The following TUT4 variants were observed in gnomAD, a reference collection of about 807,000 sequenced individuals.
TUT4 encodes the protein terminal uridylyltransferase 4.
Under a neutral mutation model 192.2 loss-of-function variants are expected in TUT4, and 36 were observed. That is an observed-to-expected ratio of 0.19 (90% CI 0.14 to 0.25). The LOEUF is 0.25. Among genes scored for constraint, TUT4 ranks in the 10% least tolerant of loss-of-function variants. TUT4 has a pLI of 1.00. For missense variants in TUT4, 1,493 were observed against 1,957.2 expected, an observed-to-expected ratio of 0.76 and a Z score of 4.47; for synonymous variants, 618 against 666.0, an observed-to-expected ratio of 0.93 and a Z score of 1.11.
intron 19 of TUT4, among the ~76,000 whole-genome samples, chr1:52,458,965 G>A (rs1661714875): frequency 6.6e-6 from 1 of 151,790 alleles, no homozygotes; most frequent in Non-Finnish European, 1.5e-5. Flanking sequence ...TGCAGGCGCA[G>A]GTTTAAAATA....
chr1:52,472,151 T>C (rs1486092539), intron 13 of TUT4, 49 bp from the exon 14 acceptor site: 2 of 1,560,986 alleles, frequency 1.3e-6, no homozygotes, highest in Non-Finnish European at 1.7e-6. Flanking sequence ...TTGAGGGACT[T>C]CATCACTTAG....
At chr1:52,532,209 A>G (rs72905610) in intron 1 of TUT4, among the ~76,000 whole-genome samples, 10,154 of 151,826 alleles carry the variant, frequency 0.067, 1,124 homozygotes, top group African/African-American at 0.23. Context: ...TGGTTGAAAA[A>G]CAGTACTCTC....
rs780850645 is a variant in TUT4 at position 52,525,814 on chromosome 1, G to A, written c.467C>T (p.Ser156Leu). 1 of 1,614,128 alleles carries A rather than the reference G, an allele frequency of 6.2e-7. No homozygotes were observed. The highest frequency in any genetic ancestry group is 8.5e-7 in the Non-Finnish European group (1 of 1,180,044). Residue 156 changes from serine (S) to leucine (L), a missense_variant, in exon 2 of 30, where the codon TCA becomes TTA. By Grantham distance (145) the Ser-to-Leu change is moderately radical. Transcript: ENST00000257177. ...GGGTCCCTTTTCTGCTTCTGCTGGT[G>A]AACTTGGTACTTTTTCTGACTTCAT... ...YQMKSEKVPS[S>L]PAEAEKGPSL... is the part of the protein sequence containing the mutation.
chr1:52,493,484 T>C, intron 7 of TUT4, 127 bp downstream of exon 7: 1 of 628,896 alleles, frequency 1.6e-6, no homozygotes, highest in South Asian at 1.8e-5. Flanking sequence ...TATCTCCATT[T>C]GTAATGCAAT....
intron 16 of TUT4, among the ~76,000 whole-genome samples, chr1:52,464,211 C>A (rs1367073187): frequency 6.6e-6 from 1 of 152,032 alleles, no homozygotes; most frequent in Non-Finnish European, 1.5e-5. Context: ...CTCCTCCCCG[C>A]CCAAAATGAG....
chr1:52,477,950 G>A (rs370983816), intron 11 of TUT4, 68 bp from the exon 12 acceptor site: 2 of 1,411,392 alleles, frequency 1.4e-6, no homozygotes, highest in Non-Finnish European at 1.9e-6. Context: ...TTTTCAGTTA[G>A]AGAAGACCTT....
At chr1:52,550,324 G>C (rs1441888344) in intron 1 of TUT4, among the ~76,000 whole-genome samples, 3 of 151,860 alleles carry the variant, frequency 2.0e-5, no homozygotes, top group Non-Finnish European at 4.4e-5. Context: ...GGTCTTTCTG[G>C]AATTGTTCTT....
chr1:52,500,174 T>C (rs553965626), intron 4 of TUT4, among the ~76,000 whole-genome samples: 1 of 151,640 alleles, frequency 6.6e-6, no homozygotes, highest in South Asian at 2.1e-4. Flanking sequence ...TATGGTCTAA[T>C]GATTTTTGAC....
At position 52,529,565 on chromosome 1, in the gene TUT4, T is replaced by C. The variant is rs770017398; in HGVS notation, c.-93-3192A>G. ...TTAAATTTTTAATGCTAGTCTGCTA[T>C]AACGATTCTTTAATAATTTTGTAGA... On this transcript the variant is annotated intron_variant, in intron 1 of 29. Transcript: ENST00000257177. 3.2e-4 allele frequency among the ~76,000 whole-genome samples: 49 copies of C among 152,020 alleles called. 1 individual carries two copies. Among genetic ancestry groups the C allele is most frequent in the Non-Finnish European group, 1.5e-4 (10 of 68,038 alleles).
chr1:52,430,352 G>A (rs892735873), intron 28 of TUT4, among the ~76,000 whole-genome samples: 48 of 151,854 alleles, frequency 3.2e-4, no homozygotes, highest in African/African-American at 9.9e-4. Flanking sequence ...GCGCAATCTC[G>A]GCTCACTGCA....
chr1:52,464,255 A>AT (rs1037891865), intron 16 of TUT4, among the ~76,000 whole-genome samples: 214 of 150,588 alleles, frequency 1.4e-3, no homozygotes, highest in African/African-American at 2.4e-3. Flanking sequence ...TTATTTATTT[A>AT]TTTTTTTTTT....
At chr1:52,427,666 T>G (rs981221183) in intron 28 of TUT4, among the ~76,000 whole-genome samples, 5 of 152,262 alleles carry the variant, frequency 3.3e-5, no homozygotes, top group Admixed American at 6.5e-5. Flanking sequence ...TATTCTGGCA[T>G]TTTTGCTCAG....
intron 1 of TUT4, among the ~76,000 whole-genome samples, chr1:52,543,035 G>A (rs1469151660): frequency 2.0e-5 from 3 of 152,178 alleles, no homozygotes; most frequent in Admixed American, 6.5e-5. Context: ...GATTACAGGC[G>A]TGAGCCACCA....
At chr1:52,497,405 T>C (rs533844790) in intron 4 of TUT4, among the ~76,000 whole-genome samples, 3 of 152,298 alleles carry the variant, frequency 2.0e-5, no homozygotes, top group Non-Finnish European at 4.4e-5. Flanking sequence ...CTACTAAGTT[T>C]TTAAAAATTT....
intron 16 of TUT4, 143 bp downstream of exon 16, chr1:52,464,926 GT>G (rs1663696270): frequency 1.8e-6 from 1 of 554,208 alleles, no homozygotes; most frequent in Non-Finnish European, 3.0e-6. Context: ...AAATGCTACT[GT>G]TTTCATATTT....
chr1:52,429,387 A>G (rs1371667075), intron 28 of TUT4, among the ~76,000 whole-genome samples: 1 of 151,536 alleles, frequency 6.6e-6, no homozygotes, highest in Non-Finnish European at 1.5e-5. Context: ...TATCACTAAA[A>G]AGTTGGGCAT....
At chr1:52,432,750 A>C (rs1652489292) in intron 27 of TUT4, 1 of 152,290 alleles carries the variant, frequency 6.6e-6, no homozygotes, top group Non-Finnish European at 1.5e-5. Flanking sequence ...TCGAAATCCC[A>C]TCTTTACAAG....
chr1:52,546,090 C>A (rs1038804612), intron 1 of TUT4, among the ~76,000 whole-genome samples: 1 of 151,834 alleles, frequency 6.6e-6, no homozygotes, highest in African/African-American at 2.4e-5. Context: ...AGTGAGCCAA[C>A]ACCATGCCAC....
rs1333235459 is a variant in TUT4, at chr1:52,436,998, G to A, written c.3939-20C>T. ...AAACTGCTGATACCAATAATGTGGG[G>A]CTAGGGACTTGTAAATTAAGTGAGT... On this transcript the variant is annotated intron_variant, in intron 25 of 29. Transcript: ENST00000257177. The A allele has an allele frequency of 5.6e-6, 9 of 1,608,398 alleles. No individual in the cohort carries two copies. The highest frequency in any genetic ancestry group is 6.8e-6 in the Non-Finnish European group (8 of 1,177,938).
Sources: gnomAD v4.1 joint callset for allele counts (sites outside exome capture counted in the v4.1 genomes callset) on GRCh38, gnomAD v4.1.1 for gene constraint, MANE v1.5 for transcripts, NCBI Gene and HGNC (gene_info 2026-07-23, HGNC 2026-07-21) for gene names.